The following SLC47A1 variants were observed in gnomAD, a reference collection of about 807,000 sequenced individuals.
The protein encoded by SLC47A1 is solute carrier family 47 member 1, also known as multidrug and toxin extrusion protein 1.
SLC47A1 carries 58 observed loss-of-function variants against 65.8 expected under a neutral mutation model. The observed-to-expected ratio is 0.88, with a 90% CI of 0.71 to 1.10. The LOEUF (loss-of-function observed/expected upper bound fraction) is 1.10, where lower values mean the gene tolerates loss of function less well. SLC47A1 is among the 50% of genes least tolerant of loss of function. The pLI is 0.00. For missense variants in SLC47A1, 706 were observed against 719.2 expected (o/e 0.98, Z 0.21); for synonymous variants, 285 against 295.0 (o/e 0.97, Z 0.35).
intron 4 of SLC47A1, 99 bp downstream of exon 4, chr17:19,548,232 G>A: frequency 1.3e-5 from 19 of 1,445,332 alleles, no homozygotes; most frequent in Non-Finnish European, 1.8e-5. Flanking sequence ...TGCACACCAA[G>A]GTGGTGCTCA....
At chr17:19,562,564 CAA>C (rs35648662) in intron 12 of SLC47A1, among the ~76,000 whole-genome samples, 63,817 of 138,490 alleles carry the variant, frequency 0.46, 13,965 homozygotes, top group Middle Eastern at 0.62. Context: ...GACTCTGTCT[CAA>C]AAAAAAAAAA....
intron 4 of SLC47A1, among the ~76,000 whole-genome samples, chr17:19,548,412 A>C (rs929661112): frequency 1.3e-4 from 20 of 151,804 alleles, no homozygotes; most frequent in Middle Eastern, 3.4e-3. Flanking sequence ...CTCAAAGTTT[A>C]GTTATTCTTG....
At chr17:19,542,103 T>C (rs1041665026) in intron 1 of SLC47A1, among the ~76,000 whole-genome samples, 3 of 151,942 alleles carry the variant, frequency 2.0e-5, no homozygotes, top group Non-Finnish European at 4.4e-5. Context: ...CCAGCCCAGG[T>C]GACAGTGTGA....
At chr17:19,560,792 T>C (rs1380584841) in intron 12 of SLC47A1, among the ~76,000 whole-genome samples, 2 of 149,708 alleles carry the variant, frequency 1.3e-5, no homozygotes, top group African/African-American at 4.9e-5. Flanking sequence ...AGCTGGAGAA[T>C]CTCTTGAGCC....
intron 12 of SLC47A1, among the ~76,000 whole-genome samples, chr17:19,565,668 C>T (rs2084350694): frequency 6.7e-6 from 1 of 150,014 alleles, no homozygotes; most frequent in Admixed American, 6.7e-5. Context: ...GCGAGCTCTG[C>T]CTCCCAGGTT....
At chr17:19,557,167 A>T (rs1431595551) in intron 10 of SLC47A1, 4 of 153,866 alleles carry the variant, frequency 2.6e-5, no homozygotes, top group Non-Finnish European at 1.4e-5. Flanking sequence ...TTTTTGCAGT[A>T]TTAACACTTA....
Position 19,560,401 on chromosome 17 carries a change from G to T in SLC47A1, c.1031-17G>T. ...TCTTGTTCACTGTGTTGTTTCTTCT[G>T]CCGTTTTTACCTTCAGTGCTCTTTG... On this transcript the variant is annotated splice_polypyrimidine_tract_variant and intron_variant, in intron 11 of 16. Coordinates refer to ENST00000270570, the MANE Select transcript of SLC47A1 (RefSeq NM_018242.3). The T allele has an allele frequency of 6.2e-7, 1 of 1,614,030 alleles. No individual in the cohort carries two copies. Among genetic ancestry groups the T allele is most frequent in the South Asian group, 1.1e-5 (1 of 91,062 alleles).
At chr17:19,573,021 G>A (rs949323905) in intron 16 of SLC47A1, among the ~76,000 whole-genome samples, 160 bp downstream of exon 16, 4 of 152,180 alleles carry the variant, frequency 2.6e-5, no homozygotes, top group Non-Finnish European at 5.9e-5. Context: ...ACAATTCAAG[G>A]TAAACTGAGT....
intron 6 of SLC47A1, among the ~76,000 whole-genome samples, chr17:19,554,214 T>C (rs957823207): frequency 6.6e-6 from 1 of 152,174 alleles, no homozygotes; most frequent in African/African-American, 2.4e-5. Flanking sequence ...TGATAGGCGC[T>C]GAGCAGATCT....
At position 19,534,085 on chromosome 17, in the gene SLC47A1, T is replaced by A; in HGVS notation, c.135+11T>A. 1 of 1,520,254 alleles carries A rather than the reference T, an allele frequency of 6.6e-7. No homozygotes were observed. The highest frequency in any genetic ancestry group is 8.8e-7 in the Non-Finnish European group (1 of 1,132,280). The allele number at this position is 1,520,254 out of a possible 1,614,324, so 94.2% of individuals were successfully genotyped here. The stretch of plus-strand genomic sequence containing the variant: ...CTGGCTGGCCCCGCGGTGAGTAAGG[T>A]GGCCTCAGTGGCAGGCCGGTACCGG... On this transcript the variant is annotated intron_variant, in intron 1 of 16. Coordinates refer to ENST00000270570, the MANE Select transcript of SLC47A1 (RefSeq NM_018242.3).
intron 2 of SLC47A1, among the ~76,000 whole-genome samples, chr17:19,543,871 T>G (rs1916218581): frequency 6.6e-6 from 1 of 152,238 alleles, no homozygotes; most frequent in Non-Finnish European, 1.5e-5. Flanking sequence ...TTGAGTTTGC[T>G]ATCCATGAAC....
intron 2 of SLC47A1, among the ~76,000 whole-genome samples, chr17:19,543,834 C>T (rs1916217327): frequency 6.6e-6 from 1 of 152,214 alleles, no homozygotes; most frequent in Non-Finnish European, 1.5e-5. Flanking sequence ...CACAATTTCA[C>T]TTGATCTGCC....
At chr17:19,562,326 G>C (rs1035892364) in intron 12 of SLC47A1, among the ~76,000 whole-genome samples, 3 of 152,274 alleles carry the variant, frequency 2.0e-5, no homozygotes, top group Admixed American at 6.5e-5. Context: ...ACTTTGGGAG[G>C]CTGAGGCAGA....
intron 14 of SLC47A1, among the ~76,000 whole-genome samples, chr17:19,569,029 A>G (rs1268053401): frequency 6.6e-6 from 1 of 152,042 alleles, no homozygotes; most frequent in African/African-American, 2.4e-5. Flanking sequence ...TTGAAATATA[A>G]ATCCATCTGT....
intron 16 of SLC47A1, among the ~76,000 whole-genome samples, chr17:19,575,821 CAACTT>C (rs2084435336): frequency 6.6e-6 from 1 of 152,080 alleles, no homozygotes; most frequent in Non-Finnish European, 1.5e-5. Context: ...ACTGAAAAAT[CAACTT>C]ATAATAAGGC....
At chr17:19,536,722 C>A (rs547323668) in intron 1 of SLC47A1, among the ~76,000 whole-genome samples, 1 of 152,282 alleles carries the variant, frequency 6.6e-6, no homozygotes, top group African/African-American at 2.4e-5. Flanking sequence ...GAGACCACCC[C>A]CTTCTTTTCC....
chr17:19,534,228 C>T, intron 1 of SLC47A1, 154 bp downstream of exon 1: 2 of 966,584 alleles, frequency 2.1e-6, no homozygotes, highest in Non-Finnish European at 1.4e-6. Context: ...GGGCGGGCAC[C>T]CCAGCTCCTC....
intron 2 of SLC47A1, among the ~76,000 whole-genome samples, chr17:19,545,199 AT>A (rs112985126): frequency 5.2e-4 from 76 of 147,470 alleles, no homozygotes; most frequent in African/African-American, 6.4e-4. Flanking sequence ...TTAATAAAAA[AT>A]TTTTTTTTTT....
At chr17:19,575,251 T>C (rs2084430691) in intron 16 of SLC47A1, among the ~76,000 whole-genome samples, 1 of 152,094 alleles carries the variant, frequency 6.6e-6, no homozygotes, top group African/African-American at 2.4e-5. Flanking sequence ...TGATTTTCTT[T>C]CAGAACTCTG....
Sources: allele counts gnomAD v4.1 joint callset (sites outside exome capture counted in the v4.1 genomes callset), GRCh38; gene constraint gnomAD v4.1.1; transcripts MANE v1.5; gene names NCBI Gene and HGNC (gene_info 2026-07-23, HGNC 2026-07-21).